Variants in ABHD12B observed in about 807,000 individuals in gnomAD.
ABHD12B encodes the protein abhydrolase domain containing 12B, also known as protein ABHD12B.
ABHD12B carries 42 observed loss-of-function variants against 50.4 expected under a neutral mutation model. The observed-to-expected ratio is 0.83, with a 90% confidence interval of 0.65 to 1.08. The LOEUF is 1.08. Among genes scored for constraint, ABHD12B ranks in the 50% least tolerant of loss-of-function variants. The pLI is 0.00. For synonymous variants in ABHD12B, 167 were observed against 160.3 expected (o/e 1.04, Z -0.32); for missense variants, 479 against 447.7 (o/e 1.07, Z -0.63).
chr14:50,888,194 A>G (rs1270182372), intron 8 of ABHD12B, among the ~76,000 whole-genome samples: 3 of 144,356 alleles, frequency 2.1e-5, no homozygotes, highest in Non-Finnish European at 3.0e-5. Flanking sequence ...TTCCTGTAGT[A>G]CTTTGCTTTC....
rs2050078088 is a variant in ABHD12B, at chr14:50,888,880, A to T, written c.757A>T (p.Ser253Cys). 6.2e-7 allele frequency: 1 copy of T among 1,613,994 alleles called. No homozygotes were observed. Among genetic ancestry groups the T allele is most frequent in the African/African-American group, 1.3e-5 (1 of 74,938 alleles). Reference sequence around the variant, plus strand: ...TCCATTTACCAACATGTGGGTTGCAAGTATCAATTATCCCTTGTTAAAGGT... The same window carrying T: ...TCCATTTACCAACATGTGGGTTGCATGTATCAATTATCCCTTGTTAAAGGT... ...EAPFTNMWVA[S>C]INYPLLKIYR... The change falls in exon 9 of 13, where the codon AGT becomes TGT. Residue 253 changes from serine (S) to cysteine (C), a missense_variant. Transcript: ENST00000337334.
At chr14:50,893,778 T>A (rs1440955625) in intron 9 of ABHD12B, 1 of 177,706 alleles carries the variant, frequency 5.6e-6, no homozygotes, top group Non-Finnish European at 1.1e-5. Context: ...CTCTTTTTAC[T>A]CTCTTCTCCA....
At chr14:50,875,538 A>G (rs1336809042) in intron 1 of ABHD12B, among the ~76,000 whole-genome samples, 2 of 152,168 alleles carry the variant, frequency 1.3e-5, no homozygotes. Flanking sequence ...GCTGCAGCTG[A>G]TCAAAGGGCA....
At chr14:50,874,889 G>T (rs77974994) in intron 1 of ABHD12B, among the ~76,000 whole-genome samples, 44 of 152,342 alleles carry the variant, frequency 2.9e-4, no homozygotes, top group Non-Finnish European at 5.9e-4. Context: ...ATTTGCAATT[G>T]TAAGTAAAAA....
At chr14:50,873,626 C>A (rs773024247) in intron 1 of ABHD12B, among the ~76,000 whole-genome samples, 2 of 152,302 alleles carry the variant, frequency 1.3e-5, no homozygotes, top group African/African-American at 4.8e-5. Flanking sequence ...GATCTGAACA[C>A]GTGGCAGAAT....
intron 9 of ABHD12B, among the ~76,000 whole-genome samples, chr14:50,894,633 G>C (rs2050169230): frequency 6.6e-6 from 1 of 152,106 alleles, no homozygotes; most frequent in African/African-American, 2.4e-5. Context: ...TTTCCATCCT[G>C]CAAGATCTAA....
rs2050078955 is a variant in ABHD12B, at chr14:50,888,908, G to A, written c.780+5G>A. On this transcript the variant is annotated splice_donor_5th_base_variant and intron_variant, in intron 9 of 12. Transcript: ENST00000337334. The stretch of plus-strand genomic sequence containing the variant: ...ATCAATTATCCCTTGTTAAAGGTGA[G>A]ACTCTGATTCATCTTTACAAGGGAT... 1.2e-6 allele frequency: 2 copies of A among 1,613,002 alleles called. No individual in the cohort carries two copies. The highest frequency in any genetic ancestry group is 2.2e-5 in the East Asian group (1 of 44,852).
chr14:50,895,674 C>G (rs1371834177), intron 9 of ABHD12B: 3 of 152,278 alleles, frequency 2.0e-5, no homozygotes, highest in Admixed American at 1.3e-4. Flanking sequence ...CTCGGAAGCC[C>G]CCTAGACCAT....
At chr14:50,885,502 A>G (rs970072819) in intron 5 of ABHD12B, 112 bp from the exon 6 acceptor site, 11 of 1,245,788 alleles carry the variant, frequency 8.8e-6, no homozygotes, top group Non-Finnish European at 1.3e-5. Flanking sequence ...ACAAGTTAAA[A>G]TTACCTTTGA....
In ABHD12B at chr14:50,877,998, C is replaced by G; in HGVS notation, c.151C>G (p.Leu51Val). The G allele has an allele frequency of 6.5e-7, 1 of 1,535,150 alleles. No homozygotes were observed. The highest frequency in any genetic ancestry group is 8.7e-7 in the Non-Finnish European group (1 of 1,146,444). ...AATGCTCGGAAGAAAAATTGCTGCT[C>G]TGTATGACAGCTTTACTAGTAAATC... ...CSMLGRKIAA[L>V]YDSFTSKSLK... The change falls in exon 2 of 13, where the codon CTG becomes GTG. Residue 51 changes from leucine to valine, a missense_variant. Leu to Val is a conservative substitution (Grantham distance 32). Transcript: ENST00000337334.
chr14:50,889,205 G>A (rs80315226), intron 9 of ABHD12B, among the ~76,000 whole-genome samples: 9,198 of 152,112 alleles, frequency 0.06, 474 homozygotes, highest in Admixed American at 0.11. Flanking sequence ...GAAAACAAAC[G>A]TTTCATACAT....
At chr14:50,873,120 T>C (rs1188765562) in intron 1 of ABHD12B, among the ~76,000 whole-genome samples, 1 of 152,192 alleles carries the variant, frequency 6.6e-6, no homozygotes, top group East Asian at 1.9e-4. Context: ...TAATTTGTGC[T>C]GATTAGAAAA....
intron 5 of ABHD12B, among the ~76,000 whole-genome samples, chr14:50,884,818 C>T (rs186066102): frequency 5.8e-4 from 88 of 150,886 alleles, no homozygotes; most frequent in African/African-American, 1.8e-3. Flanking sequence ...TAGGTTCAAG[C>T]GATTCTCCTG....
At chr14:50,881,223 C>T (rs568784735) in intron 4 of ABHD12B, among the ~76,000 whole-genome samples, 6 of 152,268 alleles carry the variant, frequency 3.9e-5, no homozygotes, top group Admixed American at 1.3e-4. Flanking sequence ...TGTGACTGTG[C>T]CCCTGAAGCT....
At chr14:50,895,504 A>G (rs1250531957) in intron 9 of ABHD12B, 1 of 152,086 alleles carries the variant, frequency 6.6e-6, no homozygotes, top group Non-Finnish European at 1.5e-5. Context: ...ATTCCTCCTA[A>G]GCCGCGTCCC....
chr14:50,902,355 G>A (rs1464456012), intron 10 of ABHD12B, among the ~76,000 whole-genome samples: 6 of 152,072 alleles, frequency 3.9e-5, no homozygotes, highest in African/African-American at 1.4e-4. Flanking sequence ...GTGGGGGCAC[G>A]TGCCTGTCAT....
Position 50,889,435 on chromosome 14 carries a change from C to T in ABHD12B, c.780+532C>T, listed in dbSNP as rs576645949. 4.6e-5 allele frequency among the ~76,000 whole-genome samples: 7 copies of T among 152,226 alleles called. No homozygotes were observed. In the East Asian group the frequency reaches 1.2e-3, roughly 25 times the overall value. On this transcript the variant is annotated intron_variant, in intron 9 of 12. Coordinates refer to ENST00000337334, the MANE Select transcript of ABHD12B (RefSeq NM_001206673.2). The stretch of plus-strand genomic sequence containing the variant: ...TGGCTGGATCACAAGGTCAAGAGAT[C>T]GAGACCATCCTGGCCAACATGGTGA...
At chr14:50,875,076 CTTG>C (rs1469526414) in intron 1 of ABHD12B, among the ~76,000 whole-genome samples, 1 of 152,202 alleles carries the variant, frequency 6.6e-6, no homozygotes, top group African/African-American at 2.4e-5. Context: ...CCATGTTGTT[CTTG>C]TTGTCTGTGG....
At chr14:50,875,671 T>C (rs1017735363) in intron 1 of ABHD12B, among the ~76,000 whole-genome samples, 4 of 152,190 alleles carry the variant, frequency 2.6e-5, no homozygotes, top group African/African-American at 9.7e-5. Context: ...TTTTGATCCC[T>C]TACTGATCTA....
Sources: allele counts gnomAD v4.1 joint callset (sites outside exome capture counted in the v4.1 genomes callset), GRCh38; gene constraint gnomAD v4.1.1; transcripts MANE v1.5; gene names NCBI Gene and HGNC (gene_info 2026-07-23, HGNC 2026-07-21).